Variants in ITGAL observed in about 807,000 individuals in gnomAD.
The protein encoded by ITGAL is integrin alpha-L.
Under a neutral mutation model 138.4 loss-of-function variants are expected in ITGAL, and 68 were observed. That is an observed-to-expected ratio of 0.49 (90% CI 0.40 to 0.60). The LOEUF is 0.60. ITGAL is among the 20% of genes least tolerant of loss of function. The pLI is 0.00. For missense variants in ITGAL, 1,256 were observed against 1,478.6 expected (o/e 0.85, Z 2.47); for synonymous variants, 561 against 584.3 (o/e 0.96, Z 0.57).
chr16:30,485,276 G>C (rs376837433), intron 9 of ITGAL, among the ~76,000 whole-genome samples: 2 of 144,826 alleles, frequency 1.4e-5, no homozygotes, highest in East Asian at 2.1e-4. Flanking sequence ...GCCCAGGCTG[G>C]AGTGCAGTGG....
Position 30,487,710 on chromosome 16 carries a change from CT to C in ITGAL, c.1007-1360del, listed in dbSNP as rs879528214. 9.8e-3 allele frequency among the ~76,000 whole-genome samples: 1,319 copies of C among 135,024 alleles called. 10 individuals carry two copies. Among genetic ancestry groups the C allele is most frequent in the Middle Eastern group, 0.014 (3 of 210 alleles). The allele number at this position is 135,024 out of a possible 152,430, so 88.6% of individuals were successfully genotyped here. A position where few individuals can be genotyped will look rare whatever the true frequency, so the allele number is the denominator to read the frequency against. On this transcript the variant is annotated intron_variant, in intron 9 of 30. Coordinates refer to ENST00000356798, the MANE Select transcript of ITGAL (RefSeq NM_002209.3). ...TACAGGTGTGAGCCACTGTGCCTGG[CT>C]TTTTTTTTTTTCAAGACAGAGTTTC...
At chr16:30,511,678 A>C (rs2051093431) in intron 24 of ITGAL, among the ~76,000 whole-genome samples, 1 of 152,206 alleles carries the variant, frequency 6.6e-6, no homozygotes, top group African/African-American at 2.4e-5. Flanking sequence ...AGTTATCACA[A>C]TACCCCTTGC....
intron 21 of ITGAL, among the ~76,000 whole-genome samples, chr16:30,507,468 C>CA (rs986162500): frequency 0.013 from 1,363 of 108,426 alleles, 16 homozygotes; most frequent in African/African-American, 0.032. Context: ...AAAAAAAAAA[C>CA]AAAAAAAAAA....
chr16:30,474,079 G>T (rs749812780), intron 1 of ITGAL, 117 bp from the exon 2 acceptor site: 1 of 743,198 alleles, frequency 1.3e-6, no homozygotes, highest in Non-Finnish European at 2.4e-6. Context: ...GAGGGGAAGC[G>T]CAGGGTGCGG....
chr16:30,494,382 C>G lies in ITGAL; in HGVS notation c.1365+19C>G. The G allele has an allele frequency of 6.3e-7, 1 of 1,583,992 alleles. No homozygotes were observed. The highest frequency in any genetic ancestry group is 8.6e-7 in the Non-Finnish European group (1 of 1,159,786). ...GACCCAGGTGCGCCCAGTCCGAGGG[C>G]ATCTGCAGACCAGGGACTGGCGGGA... On this transcript the variant is annotated intron_variant, in intron 12 of 30. Transcript: ENST00000356798. The surrounding 1 kb of genome is among the most constrained non-coding windows in gnomAD (Gnocchi z 4.2).
Position 30,475,734 on chromosome 16 carries a change from CT to C in ITGAL, c.327+180del, listed in dbSNP as rs35994365. Among the ~76,000 whole-genome samples, 451 of 81,270 alleles carry C rather than the reference CT, an allele frequency of 5.5e-3. 1 individual carries two copies. Among genetic ancestry groups the C allele is most frequent in the African/African-American group, 0.023 (382 of 16,442 alleles). 53.3% of individuals were successfully genotyped at this position (81,270 alleles called of 152,430 possible). ...TATTGAGAACCAATGATGAACCAGC[CT>C]TTTTTTTTTTTTTTTTTTTTTTTTT... On this transcript the variant is annotated intron_variant, in intron 4 of 30. Coordinates refer to ENST00000356798, the MANE Select transcript of ITGAL (RefSeq NM_002209.3).
chr16:30,505,338 A>G (rs2050971347), intron 19 of ITGAL, 38 bp downstream of exon 19: 10 of 1,613,088 alleles, frequency 6.2e-6, no homozygotes, highest in African/African-American at 1.3e-5. Context: ...AGGCCTGGGA[A>G]CAAGTCCCTC....
intron 2 of ITGAL, among the ~76,000 whole-genome samples, chr16:30,475,094 G>A (rs954240757): frequency 1.3e-5 from 2 of 151,998 alleles, no homozygotes; most frequent in Non-Finnish European, 2.9e-5. Context: ...CCTGACCTCA[G>A]GTGATCCACC....
rs938189944 is a variant in ITGAL, at chr16:30,479,268, C to T, written c.445+60C>T. On this transcript the variant is annotated intron_variant, in intron 5 of 30. Transcript: ENST00000356798. ...TCCAAATGGCTGTCCCTAGAGAGAACCAGCATGGGCAGGTCAAACACCAGA... is the reference window on the plus strand; with the variant it reads ...TCCAAATGGCTGTCCCTAGAGAGAATCAGCATGGGCAGGTCAAACACCAGA... The T allele has an allele frequency of 3.1e-6, 5 of 1,612,816 alleles. No homozygotes were observed. In the South Asian group the frequency reaches 3.3e-5, roughly 11 times the overall value.
chr16:30,505,036 A>T, intron 18 of ITGAL: 5 of 381,444 alleles, frequency 1.3e-5, no homozygotes, highest in Admixed American at 8.3e-5. Context: ...AAAAAAAAAA[A>T]GAGCTGCCAG....
chr16:30,494,224 C>T lies in ITGAL; in HGVS notation c.1226C>T (p.Thr409Ile). Residue 409 changes from threonine (T) to isoleucine (I), a missense_variant, in exon 12 of 31, where the codon ACC (threonine) becomes ATC (isoleucine). Thr to Ile is a moderately conservative substitution (Grantham distance 89). This residue lies in a region of ITGAL where 867 missense variants were observed against 972.5 expected (regional missense o/e 0.89). Coordinates refer to ENST00000356798, the MANE Select transcript of ITGAL (RefSeq NM_002209.3). The surrounding 1 kb of genome is among the most constrained non-coding windows in gnomAD (Gnocchi z 4.2). ...VRAGYLGYTV[T>I]WLPSRQKTSL... ...ACACTTTCCTCAGGTTACACCGTGA[C>T]CTGGCTGCCCTCCCGGCAAAAGACT... The T allele has an allele frequency of 6.2e-7, 1 of 1,608,482 alleles. No homozygotes were observed. The highest frequency in any genetic ancestry group is 8.5e-7 in the Non-Finnish European group (1 of 1,176,084).
Position 30,504,250 on chromosome 16 carries a change from A to C in ITGAL, c.2221A>C (p.Arg741=). The part of the protein sequence containing the change: ...FSLWEEEGTP[R]DQRAQGKDIP... Reference sequence around the variant, plus strand: ...TCTTTGGGAGGAGGAAGGGACACCGAGGGACCAAAGGGCGGTAAGAAGAGA... The same window carrying C: ...TCTTTGGGAGGAGGAAGGGACACCGCGGGACCAAAGGGCGGTAAGAAGAGA... The change falls in exon 18 of 31, where the codon AGG becomes CGG. Residue 741 remains arginine, a synonymous_variant. Coordinates refer to ENST00000356798, the MANE Select transcript of ITGAL (RefSeq NM_002209.3). The C allele has an allele frequency of 1.2e-6, 2 of 1,612,208 alleles. No homozygotes were observed. Among genetic ancestry groups the C allele is most frequent in the Non-Finnish European group, 1.7e-6 (2 of 1,178,258 alleles).
intron 24 of ITGAL, among the ~76,000 whole-genome samples, chr16:30,513,142 A>G (rs1233715726): frequency 6.6e-6 from 1 of 152,196 alleles, no homozygotes; most frequent in Non-Finnish European, 1.5e-5. Flanking sequence ...GGATGAGGCC[A>G]TTAGGGGAAG....
chr16:30,486,939 A>G (rs2050655710), intron 9 of ITGAL, among the ~76,000 whole-genome samples: 1 of 150,878 alleles, frequency 6.6e-6, no homozygotes, highest in South Asian at 2.1e-4. Context: ...GGGACTACAG[A>G]TACACACCAC....
At chr16:30,493,435 T>C (rs929175568) in intron 11 of ITGAL, among the ~76,000 whole-genome samples, 56 of 151,618 alleles carry the variant, frequency 3.7e-4, no homozygotes, top group Middle Eastern at 3.4e-3. Flanking sequence ...TACCACCACG[T>C]CCAGCTAATT....
intron 16 of ITGAL, 49 bp from the exon 17 acceptor site, chr16:30,499,289 G>A (rs1027340117): frequency 1.9e-6 from 3 of 1,613,072 alleles, no homozygotes; most frequent in Middle Eastern, 1.7e-4. Flanking sequence ...CCAGGCTTAT[G>A]GCCTGGGATC....
In ITGAL at chr16:30,494,176, G is replaced by C; in HGVS notation, c.1214-36G>C. 1 of 1,533,662 alleles carries C rather than the reference G, an allele frequency of 6.5e-7. No individual in the cohort carries two copies. Among genetic ancestry groups the C allele is most frequent in the African/African-American group, 1.4e-5 (1 of 73,776 alleles). ...CTGCTGGGTGTTCTTCCAGCATCCTGTGTTCCTAACTCCACACCCCACACA... is the reference window on the plus strand; with the variant it reads ...CTGCTGGGTGTTCTTCCAGCATCCTCTGTTCCTAACTCCACACCCCACACA... On this transcript the variant is annotated intron_variant, in intron 11 of 30. Coordinates refer to ENST00000356798, the MANE Select transcript of ITGAL (RefSeq NM_002209.3). The surrounding 1 kb of genome is among the most constrained non-coding windows in gnomAD (Gnocchi z 4.2).
chr16:30,513,967 C>A, intron 25 of ITGAL, 121 bp downstream of exon 25: 1 of 758,290 alleles, frequency 1.3e-6, no homozygotes, highest in South Asian at 1.6e-5. Flanking sequence ...GTTCAATAAT[C>A]CTTTCTCTAG....
chr16:30,517,116 C>A (rs1486526233), intron 26 of ITGAL, 30 bp downstream of exon 26: 1 of 1,440,778 alleles, frequency 6.9e-7, no homozygotes, highest in Non-Finnish European at 9.7e-7. Context: ...GGAGGGTCTA[C>A]CCTCCTCAGG....
Sources: gnomAD v4.1 joint callset for allele counts (sites outside exome capture counted in the v4.1 genomes callset) on GRCh38, gnomAD v4.1.1 for gene constraint, gnomAD v4.1.1 regional missense constraint, Gnocchi (gnomAD v3.1) non-coding constraint, MANE v1.5 for transcripts, NCBI Gene and HGNC (gene_info 2026-07-23, HGNC 2026-07-21) for gene names.